NUP160: variants seen among roughly 807,000 people sequenced by gnomAD.
The protein encoded by NUP160 is nuclear pore complex protein Nup160.
In NUP160, 94 loss-of-function variants were observed where a neutral mutation model predicts 196.9. The observed-to-expected ratio is 0.48, with a 90% confidence interval of 0.40 to 0.57. The LOEUF is 0.57. Ranked by LOEUF, NUP160 falls within the 20% of genes least tolerant of loss-of-function variation. The pLI is 0.00. For synonymous variants in NUP160, 605 were observed against 619.7 expected, an observed-to-expected ratio of 0.98 and a Z score of 0.35; for missense variants, 1,638 against 1,748.3, an observed-to-expected ratio of 0.94 and a Z score of 1.13.
chr11:47,843,409 C>T (rs1852343041), intron 2 of NUP160, among the ~76,000 whole-genome samples: 2 of 152,164 alleles, frequency 1.3e-5, no homozygotes, highest in Non-Finnish European at 2.9e-5. Context: ...TGAAACATTT[C>T]CCTTAGCTTC....
intron 18 of NUP160, 119 bp downstream of exon 18, chr11:47,808,263 AGAGAGCGAGACTCT>A: frequency 1.3e-6 from 1 of 757,676 alleles, no homozygotes; most frequent in South Asian, 1.9e-5. Context: ...CCTGGGTGAG[AGAGAGCGAGACTCT>A]GTCTCAAAAC....
At chr11:47,823,726 G>A (rs1370379360) in intron 7 of NUP160, among the ~76,000 whole-genome samples, 3 of 151,630 alleles carry the variant, frequency 2.0e-5, no homozygotes, top group Non-Finnish European at 4.4e-5. Context: ...TAGTAGAGTC[G>A]GGGTTTCACC....
At chr11:47,837,494 A>G in intron 5 of NUP160, 51 bp downstream of exon 5, 1 of 1,425,064 alleles carries the variant, frequency 7.0e-7, no homozygotes, top group South Asian at 1.2e-5. Context: ...CGACCAGTGC[A>G]AAAAGATTAA....
At chr11:47,834,517 A>C (rs930309520) in intron 7 of NUP160, among the ~76,000 whole-genome samples, 1 of 152,196 alleles carries the variant, frequency 6.6e-6, no homozygotes, top group African/African-American at 2.4e-5. Flanking sequence ...AAACTGCAAG[A>C]ATGAGCTCTT....
At chr11:47,788,751 G>T (rs987251859) in intron 29 of NUP160, 140 bp from the exon 30 acceptor site, 4 of 614,646 alleles carry the variant, frequency 6.5e-6, no homozygotes, top group African/African-American at 1.8e-5. Flanking sequence ...AGAAAATAGG[G>T]CACTAAATAA....
intron 27 of NUP160, among the ~76,000 whole-genome samples, chr11:47,797,035 A>C (rs569872944): frequency 6.6e-6 from 1 of 152,286 alleles, no homozygotes; most frequent in African/African-American, 2.4e-5. Context: ...CTTTGCATTT[A>C]ATTGAGGGGA....
intron 34 of NUP160, among the ~76,000 whole-genome samples, chr11:47,782,671 AT>A (rs2097662134): frequency 6.6e-6 from 1 of 151,656 alleles, no homozygotes; most frequent in Admixed American, 6.6e-5. Context: ...TTATTTATTT[AT>A]TTTTGAGATG....
In NUP160 at chr11:47,822,071, G is replaced by A. The variant is rs774441594; in HGVS notation, c.1179+16C>T. ...TTCTTGTACTTATGTGATATGCAAAGGATGAATCAACCTACCTGAGAAGTG... is the reference window on the plus strand; with the variant it reads ...TTCTTGTACTTATGTGATATGCAAAAGATGAATCAACCTACCTGAGAAGTG... On this transcript the variant is annotated intron_variant, in intron 8 of 35. Transcript: ENST00000378460. The A allele has an allele frequency of 2.6e-6, 4 of 1,546,490 alleles. No individual in the cohort carries two copies. Among genetic ancestry groups the A allele is most frequent in the African/African-American group, 2.7e-5 (2 of 73,284 alleles).
At chr11:47,834,614 C>T (rs980874253) in intron 7 of NUP160, among the ~76,000 whole-genome samples, 2 of 151,930 alleles carry the variant, frequency 1.3e-5, no homozygotes, top group African/African-American at 4.8e-5. Context: ...AGGTAAGGGT[C>T]GGGGACCTGG....
intron 7 of NUP160, among the ~76,000 whole-genome samples, chr11:47,833,080 C>A (rs1384774717): frequency 6.6e-6 from 1 of 152,042 alleles, no homozygotes; most frequent in Non-Finnish European, 1.5e-5. Context: ...AATGGTTGCT[C>A]GTATCTGTGG....
chr11:47,831,842 CAAAAAAAAAAAA>C (rs372159602), intron 7 of NUP160, among the ~76,000 whole-genome samples: 2 of 66,666 alleles, frequency 3.0e-5, no homozygotes, highest in Admixed American at 2.7e-4. Flanking sequence ...GACTCTCTCT[CAAAAAAAAAAAA>C]AAAAAAAAAA....
At chr11:47,802,554 G>A (rs2097674816) in intron 22 of NUP160, among the ~76,000 whole-genome samples, 1 of 152,160 alleles carries the variant, frequency 6.6e-6, no homozygotes, top group Admixed American at 6.5e-5. Flanking sequence ...ACTGTTCACT[G>A]TAAAAAGTCT....
At chr11:47,825,569 C>T (rs887667245) in intron 7 of NUP160, among the ~76,000 whole-genome samples, 1 of 151,890 alleles carries the variant, frequency 6.6e-6, no homozygotes, top group African/African-American at 2.4e-5. Flanking sequence ...TCTCCTGCCT[C>T]AGCCTCGCGA....
At chr11:47,792,654 T>A in intron 28 of NUP160, 132 bp downstream of exon 28, 1 of 848,988 alleles carries the variant, frequency 1.2e-6, no homozygotes, top group Non-Finnish European at 1.8e-6. Context: ...ATAGATTTTT[T>A]TCACAAATAT....
At chr11:47,820,509 T>G (rs1424613807) in intron 9 of NUP160, among the ~76,000 whole-genome samples, 1 of 152,058 alleles carries the variant, frequency 6.6e-6, no homozygotes, top group Non-Finnish European at 1.5e-5. Flanking sequence ...TCTAATAGGG[T>G]GCATCGTGCC....
exon 34 of NUP160, chr11:47,783,126 A>C (rs1469663079): frequency 6.2e-7 from 1 of 1,613,948 alleles, no homozygotes; most frequent in Non-Finnish European, 8.5e-7. Flanking sequence ...ACATATTCTG[A>C]CACCAAATCC....
chr11:47,842,736 T>TCC (rs1043134307), intron 2 of NUP160, among the ~76,000 whole-genome samples: 16 of 152,136 alleles, frequency 1.1e-4, no homozygotes, highest in Admixed American at 6.6e-5. Flanking sequence ...ATGCCTATGA[T>TCC]CCCAGCATTT....
chr11:47,828,883 C>T (rs1453838609), intron 7 of NUP160, among the ~76,000 whole-genome samples: 23 of 151,818 alleles, frequency 1.5e-4, no homozygotes, highest in Admixed American at 1.5e-3. Flanking sequence ...TGAATATCTA[C>T]AAGCAAAAGA....
At chr11:47,842,761 A>G (rs904552508) in intron 2 of NUP160, among the ~76,000 whole-genome samples, 3 of 152,108 alleles carry the variant, frequency 2.0e-5, no homozygotes, top group Non-Finnish European at 2.9e-5. Context: ...AGGCCAAGAC[A>G]GGAGGATTTC....
Sources: gnomAD v4.1 joint callset for allele counts (sites outside exome capture counted in the v4.1 genomes callset) on GRCh38, gnomAD v4.1.1 for gene constraint, MANE v1.5 for transcripts, NCBI Gene and HGNC (gene_info 2026-07-23, HGNC 2026-07-21) for gene names.